Variants in PLD1 observed in about 807,000 individuals in gnomAD.
PLD1 encodes the protein choline phosphatase 1.
PLD1 carries 112 observed loss-of-function variants against 137.1 expected under a neutral mutation model. That is an observed-to-expected ratio of 0.82 (90% CI 0.70 to 0.96). The LOEUF is 0.96. PLD1 is among the 40% of genes least tolerant of loss of function. The pLI, the probability that PLD1 is intolerant of heterozygous loss-of-function variation, is 0.00. For synonymous variants in PLD1, 431 were observed against 454.7 expected (o/e 0.95, Z 0.66); for missense variants, 1,321 against 1,342.0 (o/e 0.98, Z 0.24).
intron 23 of PLD1, 58 bp downstream of exon 23, chr3:171,642,782 C>T (rs1284995282): frequency 5.5e-6 from 5 of 914,822 alleles, no homozygotes; most frequent in African/African-American, 3.4e-5. Context: ...TTAATGATTA[C>T]TGATACCTCA....
In PLD1 at chr3:171,724,807, T is replaced by G; in HGVS notation, c.666-19A>C. 1.3e-6 allele frequency: 2 copies of G among 1,487,304 alleles called. No homozygotes were observed. Among genetic ancestry groups the G allele is most frequent in the Non-Finnish European group, 1.9e-6 (2 of 1,069,670 alleles). 92.1% of individuals were successfully genotyped at this position (1,487,304 alleles called of 1,614,324 possible). On this transcript the variant is annotated intron_variant, in intron 7 of 26. Coordinates refer to ENST00000351298, the MANE Select transcript of PLD1 (RefSeq NM_002662.5). ...ACCTTCTCTGAAAGAGACAGAAAAT[T>G]AACCCATCACCTTCAAATTTCCCAC...
intron 11 of PLD1, among the ~76,000 whole-genome samples, chr3:171,703,460 C>A (rs1716415130): frequency 6.6e-6 from 1 of 152,128 alleles, no homozygotes. Context: ...AAAAAGCTAC[C>A]AGCACTAATA....
intron 1 of PLD1, among the ~76,000 whole-genome samples, chr3:171,739,544 T>C (rs992695661): frequency 1.1e-4 from 16 of 152,188 alleles, no homozygotes; most frequent in Non-Finnish European, 2.2e-4. Context: ...CCCTTCAACT[T>C]TCCCTCCCAC....
intron 23 of PLD1, among the ~76,000 whole-genome samples, chr3:171,624,420 T>C (rs73883009): frequency 0.012 from 1,806 of 152,284 alleles, 37 homozygotes; most frequent in African/African-American, 0.041. Flanking sequence ...ATATTGGTGA[T>C]GAAAATGCAA....
rs1313511560 is a variant in PLD1, at chr3:171,633,636, T to C, written c.2593+9204A>G. Among the ~76,000 whole-genome samples the C allele has an allele frequency of 2.0e-5, 3 of 151,916 alleles. No homozygotes were observed. In the East Asian group the frequency reaches 5.8e-4, roughly 29 times the overall value. ...TGTACCCCAGAACTTAAAGTATAAT[T>C]AAAAAAAGAAGAGAAATTCAATACA... On this transcript the variant is annotated intron_variant, in intron 23 of 26. Transcript: ENST00000351298.
intron 21 of PLD1, among the ~76,000 whole-genome samples, chr3:171,649,517 T>A (rs375742054): frequency 2.0e-5 from 3 of 152,190 alleles, no homozygotes; most frequent in Non-Finnish European, 2.9e-5. Flanking sequence ...TGCTGAGGAA[T>A]CCAACGTCCT....
At chr3:171,775,216 C>G (rs868516716) in intron 1 of PLD1, among the ~76,000 whole-genome samples, 1 of 152,020 alleles carries the variant, frequency 6.6e-6, no homozygotes, top group Admixed American at 6.5e-5. Flanking sequence ...TCTTAGACAT[C>G]AAGGATTTTT....
In PLD1 at chr3:171,778,737, G is replaced by C. The variant is rs555724864; in HGVS notation, c.-32+31662C>G. The stretch of plus-strand genomic sequence containing the variant: ...AAAGGGCAACAGTAGAGGGTGTAGT[G>C]AGAGAAGAAACTAGGGAGTCCAGTT... On this transcript the variant is annotated intron_variant, in intron 1 of 26. Transcript: ENST00000351298. Among the ~76,000 whole-genome samples, 29 of 152,336 alleles carry C rather than the reference G, an allele frequency of 1.9e-4. No homozygotes were observed. The South Asian group carries it at 5.2e-3, about 27-fold the overall frequency.
intron 1 of PLD1, among the ~76,000 whole-genome samples, chr3:171,797,046 CATTCTTA>C (rs1723464140): frequency 1.3e-5 from 2 of 152,134 alleles, no homozygotes; most frequent in African/African-American, 4.8e-5. Flanking sequence ...CCAGCTCTCT[CATTCTTA>C]ATTCCACCTG....
intron 18 of PLD1, among the ~76,000 whole-genome samples, chr3:171,674,872 G>A (rs1258120924): frequency 4.0e-5 from 6 of 151,440 alleles, no homozygotes; most frequent in Admixed American, 1.3e-4. Context: ...CCAGCTACTC[G>A]GGAGGCTGAG....
At chr3:171,799,967 T>C (rs529310835) in intron 1 of PLD1, among the ~76,000 whole-genome samples, 3 of 152,156 alleles carry the variant, frequency 2.0e-5, no homozygotes, top group Admixed American at 6.5e-5. Context: ...GACACAACTA[T>C]GAAATGCAGC....
intron 21 of PLD1, among the ~76,000 whole-genome samples, chr3:171,658,913 T>G (rs1221818271): frequency 6.6e-6 from 1 of 152,258 alleles, no homozygotes; most frequent in Non-Finnish European, 1.5e-5. Flanking sequence ...TGTTTTGCTT[T>G]TTTAAGCGAA....
At chr3:171,699,498 A>G (rs1372408311) in intron 12 of PLD1, among the ~76,000 whole-genome samples, 1 of 152,222 alleles carries the variant, frequency 6.6e-6, no homozygotes, top group African/African-American at 2.4e-5. Flanking sequence ...GCTGCCCATA[A>G]CTGATTCAAA....
chr3:171,800,168 T>A (rs113554153), intron 1 of PLD1, among the ~76,000 whole-genome samples: 4,229 of 152,306 alleles, frequency 0.028, 117 homozygotes, highest in African/African-American at 0.071. Context: ...GCATCACAAC[T>A]TTTCTGCAAA....
At chr3:171,715,740 C>T (rs1717631551) in intron 8 of PLD1, among the ~76,000 whole-genome samples, 1 of 151,768 alleles carries the variant, frequency 6.6e-6, no homozygotes, top group Non-Finnish European at 1.5e-5. Flanking sequence ...TTCCCTTTTT[C>T]TTTTTTGTCA....
intron 3 of PLD1, among the ~76,000 whole-genome samples, chr3:171,736,067 T>C (rs183962410): frequency 1.4e-3 from 215 of 152,264 alleles, no homozygotes; most frequent in African/African-American, 5.1e-3. Context: ...ATCTTGGCTG[T>C]TTTTGTTCTT....
At chr3:171,710,872 C>CTTTTTTTTTTTTTTTTTTTTT (rs774704143) in intron 9 of PLD1, among the ~76,000 whole-genome samples, 21 of 98,560 alleles carry the variant, frequency 2.1e-4, no homozygotes, top group African/African-American at 7.5e-4. Flanking sequence ...GAAAACTGTT[C>CTTTTTTTTTTTTTTTTTTTTT]TTTTTTTTTT....
chr3:171,628,870 A>G lies in PLD1; in HGVS notation c.2594-8350T>C, dbSNP rs548830145. The stretch of plus-strand genomic sequence containing the variant: ...ATTGATGGGACATATCTCAAAATAA[A>G]AAGAGCTATCTATGACAAACCCACA... On this transcript the variant is annotated intron_variant, in intron 23 of 26. Transcript: ENST00000351298. 4.6e-5 allele frequency among the ~76,000 whole-genome samples: 7 copies of G among 152,068 alleles called. No individual in the cohort carries two copies. In the East Asian group the frequency reaches 1.4e-3, roughly 29 times the overall value.
At chr3:171,603,398 T>C (rs543113975) in intron 26 of PLD1, 96 bp from the exon 27 acceptor site, 1 of 787,390 alleles carries the variant, frequency 1.3e-6, no homozygotes, top group African/African-American at 1.7e-5. Flanking sequence ...AGACCTCTGT[T>C]GTATGAAACA....
Sources: gnomAD v4.1 joint callset for allele counts (sites outside exome capture counted in the v4.1 genomes callset) on GRCh38, gnomAD v4.1.1 for gene constraint, MANE v1.5 for transcripts, NCBI Gene and HGNC (gene_info 2026-07-23, HGNC 2026-07-21) for gene names.